ITLN2: variants seen among roughly 807,000 people sequenced by gnomAD.
ITLN2 encodes the protein intelectin 2.
ITLN2 carries 29 observed loss-of-function variants against 39.4 expected under a neutral mutation model. The observed-to-expected ratio is 0.74, with a 90% CI of 0.55 to 1.00. The LOEUF is 1.00. ITLN2 is among the 50% of genes least tolerant of loss of function. ITLN2 has a pLI of 0.00. For synonymous variants in ITLN2, 156 were observed against 153.4 expected (o/e 1.02, Z -0.12); for missense variants, 412 against 416.7 (o/e 0.99, Z 0.10).
In ITLN2 at chr1:160,950,473, G is replaced by T. The variant is rs984853399; in HGVS notation, c.600+80C>A. ...CACTCAGTAGTGATGTGGAACCACA[G>T]GACAGATCTGCCCCCTACCCTAGAC... On this transcript the variant is annotated intron_variant, in intron 5 of 7. Coordinates refer to ENST00000368029, the MANE Select transcript of ITLN2 (RefSeq NM_080878.3). 2.8e-5 allele frequency: 42 copies of T among 1,511,578 alleles called. 1 individual carries two copies. Among genetic ancestry groups the T allele is most frequent in the South Asian group, 7.4e-5 (6 of 80,642 alleles). The allele number at this position is 1,511,578 out of a possible 1,614,324, so 93.6% of individuals were successfully genotyped here.
chr1:160,945,096 G>A lies in ITLN2; in HGVS notation c.*44C>T. ...CAGTTTTTCCGTCTCCAAATAGCCG[G>A]GGTTGGAAGATGGGTTCTCGCCCTG... On this transcript the variant is annotated 3_prime_UTR_variant, in exon 8 of 8. Transcript: ENST00000368029. The A allele has an allele frequency of 6.6e-7, 1 of 1,518,844 alleles. No homozygotes were observed. The highest frequency in any genetic ancestry group is 8.8e-7 in the Non-Finnish European group (1 of 1,141,676). 94.1% of individuals were successfully genotyped at this position (1,518,844 alleles called of 1,614,324 possible). A position where few individuals can be genotyped will look rare whatever the true frequency, so the allele number is the denominator to read the frequency against.
rs150450841 is a variant in ITLN2, at chr1:160,954,121, C to T, written c.79+266G>A. Among the ~76,000 whole-genome samples the T allele has an allele frequency of 5.7e-3, 873 of 152,230 alleles. 11 individuals are homozygous for T. Among genetic ancestry groups the T allele is most frequent in the African/African-American group, 0.02 (836 of 41,542 alleles). On this transcript the variant is annotated intron_variant, in intron 2 of 7. Coordinates refer to ENST00000368029, the MANE Select transcript of ITLN2 (RefSeq NM_080878.3). Reference sequence around the variant, plus strand: ...GTTCTTACTCTCTCACCCCATGAACCCCTCACAGCCACAGAAGCAGAGAAT... The same window carrying T: ...GTTCTTACTCTCTCACCCCATGAACTCCTCACAGCCACAGAAGCAGAGAAT...
Position 160,951,295 on chromosome 1 carries a change from A to T in ITLN2, c.194-5T>A. ...TGCGGAGAAAATACAGGCCATCTGT[A>T]GAGAGAACCAGCCCAGAGCCTCCCT... On this transcript the variant is annotated splice_region_variant and splice_polypyrimidine_tract_variant and intron_variant, in intron 3 of 7. Transcript: ENST00000368029. 6.4e-7 allele frequency: 1 copy of T among 1,569,424 alleles called. No homozygotes were observed. Among genetic ancestry groups the T allele is most frequent in the Non-Finnish European group, 8.7e-7 (1 of 1,155,360 alleles).
At chr1:160,950,223 G>C (rs568072256) in intron 5 of ITLN2, 57 bp from the exon 6 acceptor site, 4 of 1,572,934 alleles carry the variant, frequency 2.5e-6, no homozygotes, top group South Asian at 1.1e-5. Flanking sequence ...GCCACAGTGT[G>C]GGGGGAGGAG....
chr1:160,950,032 G>T lies in ITLN2; in HGVS notation c.721+14C>A. 2 of 1,610,886 alleles carry T rather than the reference G, an allele frequency of 1.2e-6. No homozygotes were observed. The highest frequency in any genetic ancestry group is 1.7e-6 in the Non-Finnish European group (2 of 1,177,710). ...GAAAATATTTATGACTGGACTTAGG[G>T]AGCAAACACTCACGTTGACCATACG... On this transcript the variant is annotated intron_variant, in intron 6 of 7. Coordinates refer to ENST00000368029, the MANE Select transcript of ITLN2 (RefSeq NM_080878.3).
intron 3 of ITLN2, 30 bp from the exon 4 acceptor site, chr1:160,951,320 T>G: frequency 6.5e-7 from 1 of 1,542,630 alleles, no homozygotes; most frequent in Non-Finnish European, 8.7e-7. Flanking sequence ...AGAGCCTCCC[T>G]GTCTGAGAGC....
chr1:160,953,976 A>G (rs900573261), intron 2 of ITLN2, among the ~76,000 whole-genome samples: 3 of 152,120 alleles, frequency 2.0e-5, no homozygotes, highest in Non-Finnish European at 4.4e-5. Context: ...TGAGGATTCT[A>G]TTCTCACAAT....
intron 5 of ITLN2, 60 bp downstream of exon 5, chr1:160,950,493 C>A: frequency 1.3e-6 from 2 of 1,579,388 alleles, no homozygotes; most frequent in Non-Finnish European, 8.6e-7. Context: ...GCCCCCTACC[C>A]TAGACACTTC....
Position 160,951,133 on chromosome 1 carries a change from G to T in ITLN2, c.351C>A (p.Gly117=). The T allele has an allele frequency of 1.2e-6, 2 of 1,614,164 alleles. No homozygotes were observed. The highest frequency in any genetic ancestry group is 2.7e-5 in the African/African-American group (2 of 75,040). Reference sequence around the variant, plus strand: ...CCCCCTCTGGGTAGTCTGCTTTGTTGCCCTGCTGACTGGACCAGCGATCAC... The same window carrying T: ...CCCCCTCTGGGTAGTCTGCTTTGTTTCCCTGCTGACTGGACCAGCGATCAC... The part of the protein sequence containing the change: ...TVGDRWSSQQ[G]NKADYPEGDG... Residue 117 remains glycine, a synonymous_variant, in exon 4 of 8, where the codon GGC becomes GGA. Transcript: ENST00000368029.
In ITLN2 at chr1:160,954,751, T is replaced by C; in HGVS notation, c.-10A>G. Reference sequence around the variant, plus strand: ...CCAGCATGGACAGCATCCTTACAGATGCCAGGAGCTGATAGTTCCCTTCCT... The same window carrying C: ...CCAGCATGGACAGCATCCTTACAGACGCCAGGAGCTGATAGTTCCCTTCCT... On this transcript the variant is annotated 5_prime_UTR_variant, in exon 1 of 8. Coordinates refer to ENST00000368029, the MANE Select transcript of ITLN2 (RefSeq NM_080878.3). 1 of 1,613,976 alleles carries C rather than the reference T, an allele frequency of 6.2e-7. No homozygotes were observed. Among genetic ancestry groups the C allele is most frequent in the Non-Finnish European group, 8.5e-7 (1 of 1,179,930 alleles).
Position 160,954,480 on chromosome 1 carries a change from T to G in ITLN2, c.16-30A>C, listed in dbSNP as rs1308139112. 3 of 1,533,604 alleles carry G rather than the reference T, an allele frequency of 2.0e-6. No homozygotes were observed. In the African/African-American group the frequency reaches 4.1e-5, roughly 21 times the overall value. The allele number at this position is 1,533,604 out of a possible 1,614,324, so 95.0% of individuals were successfully genotyped here. ...GGAAAAACAAGATGCACAAGGTCAC[T>G]GGCTGGCCCTTCCTTTGTCATCCTC... On this transcript the variant is annotated intron_variant, in intron 1 of 7. Transcript: ENST00000368029.
At position 160,951,076 on chromosome 1, in the gene ITLN2, T is replaced by C. The variant is rs766728601; in HGVS notation, c.408A>G (p.Gly136=). The change falls in exon 4 of 8, where the codon GGA becomes GGG. Residue 136 remains glycine, a synonymous_variant. Transcript: ENST00000368029. The part of the protein sequence containing the change: ...DGNWANYNTF[G]SAEAATSDDY... ...CATCGCTCGTGGCCGCCTCTGCAGA[T>C]CCAAAGGTGTTGTAGTTGGCCCAGT... The C allele has an allele frequency of 6.2e-7, 1 of 1,614,070 alleles. No homozygotes were observed. Among genetic ancestry groups the C allele is most frequent in the Non-Finnish European group, 8.5e-7 (1 of 1,180,040 alleles).
intron 6 of ITLN2, among the ~76,000 whole-genome samples, chr1:160,948,358 T>C (rs1671655008): frequency 6.6e-6 from 1 of 152,212 alleles, no homozygotes; most frequent in Non-Finnish European, 1.5e-5. Context: ...CCAGCAGGAA[T>C]AAGCAATGAT....
intron 6 of ITLN2, 180 bp downstream of exon 6, chr1:160,949,866 A>G (rs1274913638): frequency 1.5e-5 from 9 of 594,480 alleles, no homozygotes; most frequent in Non-Finnish European, 2.6e-5. Context: ...CAGCAATTCT[A>G]ACTTCATAGT....
chr1:160,954,277 T>A, intron 2 of ITLN2, 110 bp downstream of exon 2: 1 of 840,048 alleles, frequency 1.2e-6, no homozygotes. Context: ...CTCCAGAACT[T>A]CCCCTTTGAC....
At chr1:160,952,900 C>T (rs1430648544) in intron 2 of ITLN2, among the ~76,000 whole-genome samples, 167 bp from the exon 3 acceptor site, 1 of 152,182 alleles carries the variant, frequency 6.6e-6, no homozygotes, top group African/African-American at 2.4e-5. Flanking sequence ...AGGTTAAACA[C>T]CTGGAATCTT....
At chr1:160,948,101 C>T in intron 6 of ITLN2, 69 bp from the exon 7 acceptor site, 1 of 1,320,062 alleles carries the variant, frequency 7.6e-7, no homozygotes, top group Non-Finnish European at 1.1e-6. Context: ...TCCCATTGGC[C>T]AGTCCAGGGA....
chr1:160,946,019 A>C (rs1671592259), intron 7 of ITLN2, among the ~76,000 whole-genome samples: 1 of 152,196 alleles, frequency 6.6e-6, no homozygotes, highest in Non-Finnish European at 1.5e-5. Context: ...AAAATAAATT[A>C]TACTCAGCCG....
intron 1 of ITLN2, 91 bp from the exon 2 acceptor site, chr1:160,954,541 C>T (rs1671820747): frequency 7.8e-7 from 1 of 1,278,626 alleles, no homozygotes; most frequent in Non-Finnish European, 1.1e-6. Flanking sequence ...AGTCAGGAAT[C>T]CTCAAATGGA....
Sources: gnomAD v4.1 joint callset for allele counts (sites outside exome capture counted in the v4.1 genomes callset) on GRCh38, gnomAD v4.1.1 for gene constraint, MANE v1.5 for transcripts, NCBI Gene and HGNC (gene_info 2026-07-23, HGNC 2026-07-21) for gene names.